Variants in GFM1 observed in about 807,000 individuals in gnomAD.
GFM1 encodes the protein elongation factor G, mitochondrial.
GFM1 carries 62 observed loss-of-function variants against 96.2 expected under a neutral mutation model. The observed-to-expected ratio is 0.64, with a 90% confidence interval of 0.53 to 0.80. The LOEUF (loss-of-function observed/expected upper bound fraction) is 0.80, where lower values mean the gene tolerates loss of function less well. GFM1 is among the 30% of genes least tolerant of loss of function. The pLI, the probability that GFM1 is intolerant of heterozygous loss-of-function variation, is 0.00. For synonymous variants in GFM1, 282 were observed against 312.9 expected (o/e 0.90, Z 1.04); for missense variants, 852 against 916.6 (o/e 0.93, Z 0.91).
At chr3:158,683,192 G>A (rs1725559182) in intron 14 of GFM1, among the ~76,000 whole-genome samples, 1 of 152,076 alleles carries the variant, frequency 6.6e-6, no homozygotes, top group Non-Finnish European at 1.5e-5. Flanking sequence ...TCTATTTCAA[G>A]ACAATATTTT....
chr3:158,682,229 T>C (rs951697096), intron 14 of GFM1, 72 bp downstream of exon 14: 1 of 1,265,316 alleles, frequency 7.9e-7, no homozygotes, highest in African/African-American at 1.5e-5. Flanking sequence ...AATCATACTT[T>C]GTCTTCCATC....
At chr3:158,691,051 A>C (rs1353869217) in intron 16 of GFM1, 88 bp from the exon 17 acceptor site, 1 of 870,444 alleles carries the variant, frequency 1.1e-6, no homozygotes, top group East Asian at 2.5e-5. Context: ...TCTTAATCTA[A>C]AGGAATTAAA....
At chr3:158,676,670 G>T (rs1273734646) in intron 13 of GFM1, among the ~76,000 whole-genome samples, 1 of 151,282 alleles carries the variant, frequency 6.6e-6, no homozygotes, top group African/African-American at 2.4e-5. Context: ...ACCCCATGTG[G>T]AACAAGTCTA....
At chr3:158,684,767 T>A in intron 15 of GFM1, 99 bp downstream of exon 15, 1 of 1,242,148 alleles carries the variant, frequency 8.1e-7, no homozygotes, top group Non-Finnish European at 1.2e-6. Flanking sequence ...CCCAGAGCAC[T>A]AGGCTCCACA....
At chr3:158,676,920 G>A (rs1463239540) in intron 13 of GFM1, among the ~76,000 whole-genome samples, 2 of 151,978 alleles carry the variant, frequency 1.3e-5, no homozygotes, top group African/African-American at 2.4e-5. Flanking sequence ...GGCTGGTCTC[G>A]AACTCCTGAC....
At chr3:158,645,502 C>G in intron 1 of GFM1, 127 bp from the exon 2 acceptor site, 1 of 795,918 alleles carries the variant, frequency 1.3e-6, no homozygotes. Context: ...TCCCCTGGTG[C>G]CTTTCTCAAG....
chr3:158,689,653 A>G (rs1456961518), intron 15 of GFM1, among the ~76,000 whole-genome samples: 1 of 151,936 alleles, frequency 6.6e-6, no homozygotes, highest in Non-Finnish European at 1.5e-5. Context: ...CTGTAATCCC[A>G]GCTACTCGGA....
intron 13 of GFM1, among the ~76,000 whole-genome samples, chr3:158,670,242 A>G (rs374348254): frequency 1.3e-5 from 2 of 152,188 alleles, no homozygotes; most frequent in Non-Finnish European, 2.9e-5. Flanking sequence ...AATCTTTAAA[A>G]TTTCCCTTCC....
At chr3:158,668,866 C>G (rs1723981538) in intron 13 of GFM1, 2 of 750,852 alleles carry the variant, frequency 2.7e-6, no homozygotes. Flanking sequence ...TACCTGACCT[C>G]CCCTTTGAAA....
chr3:158,656,922 A>G (rs1252051718), intron 8 of GFM1: 1 of 152,196 alleles, frequency 6.6e-6, no homozygotes, highest in African/African-American at 2.4e-5. Flanking sequence ...AAGACGCCTC[A>G]GGCTTATCTT....
In GFM1 at chr3:158,660,877, G is replaced by T. The variant is rs1224772904; in HGVS notation, c.1225G>T (p.Val409Phe). The T allele has an allele frequency of 6.2e-7, 1 of 1,612,576 alleles. No homozygotes were observed. Among genetic ancestry groups the T allele is most frequent in the African/African-American group, 1.3e-5 (1 of 74,880 alleles). The change falls in exon 10 of 18, where the codon GTT (valine) becomes TTT (phenylalanine). Residue 409 changes from valine to phenylalanine, a missense_variant. Physicochemically the swap from Val to Phe is conservative, Grantham distance 50. Transcript: ENST00000486715. The part of the protein sequence containing the change: ...ARMHADMMED[V>F]EEVYAGDICA... The stretch of plus-strand genomic sequence containing the variant: ...TTTGTGTTATTTGTTTTTTTAGGAT[G>T]TTGAGGAAGTATATGCCGGAGACAT...
chr3:158,664,612 AC>A (rs956223638), intron 11 of GFM1, among the ~76,000 whole-genome samples: 2 of 150,772 alleles, frequency 1.3e-5, no homozygotes, highest in Non-Finnish European at 3.0e-5. Flanking sequence ...AATCCCTCTG[AC>A]CCCCCCTTCT....
chr3:158,682,781 T>C (rs1725515125), intron 14 of GFM1, among the ~76,000 whole-genome samples: 1 of 152,122 alleles, frequency 6.6e-6, no homozygotes, highest in South Asian at 2.1e-4. Flanking sequence ...TCCTAACATT[T>C]TGGGAGGCCG....
intron 3 of GFM1, among the ~76,000 whole-genome samples, chr3:158,646,525 T>C (rs1283188753): frequency 1.3e-5 from 2 of 152,356 alleles, no homozygotes; most frequent in South Asian, 2.1e-4. Flanking sequence ...TTTTACATAT[T>C]CTAGCTGATT....
chr3:158,673,080 C>G (rs1724518785), intron 13 of GFM1, among the ~76,000 whole-genome samples: 1 of 152,124 alleles, frequency 6.6e-6, no homozygotes, highest in Non-Finnish European at 1.5e-5. Context: ...AAGAGGCTTG[C>G]TCATCCTCAG....
chr3:158,661,245 T>C (rs909798223), intron 10 of GFM1, among the ~76,000 whole-genome samples: 4 of 152,272 alleles, frequency 2.6e-5, no homozygotes, highest in East Asian at 1.9e-4. Context: ...GGAGGAAATA[T>C]CTCCACCAGA....
chr3:158,672,076 C>A (rs766294716), intron 13 of GFM1, among the ~76,000 whole-genome samples: 16 of 152,184 alleles, frequency 1.1e-4, no homozygotes, highest in Admixed American at 2.0e-4. Context: ...TGCCCCTTAC[C>A]TAGAGCGTGT....
chr3:158,691,032 GA>G (rs1726270576), intron 16 of GFM1, 106 bp from the exon 17 acceptor site: 1 of 767,870 alleles, frequency 1.3e-6, no homozygotes, highest in African/African-American at 1.7e-5. Context: ...TAAGAGTAGT[GA>G]GCAGAAATCT....
chr3:158,652,618 T>G (rs531972346), intron 6 of GFM1, among the ~76,000 whole-genome samples: 1 of 152,278 alleles, frequency 6.6e-6, no homozygotes, highest in East Asian at 1.9e-4. Context: ...CTCTAAGGCC[T>G]GCTCAGCCAG....
Sources: allele counts gnomAD v4.1 joint callset (sites outside exome capture counted in the v4.1 genomes callset), GRCh38; gene constraint gnomAD v4.1.1; transcripts MANE v1.5; gene names NCBI Gene and HGNC (gene_info 2026-07-23, HGNC 2026-07-21).